Variants in ARHGAP44 observed in about 807,000 individuals in gnomAD.
ARHGAP44 encodes rho GTPase-activating protein 44.
In ARHGAP44, 43 loss-of-function variants were observed where a neutral mutation model predicts 106.8. That is an observed-to-expected ratio of 0.40 (90% CI 0.32 to 0.52). The LOEUF (loss-of-function observed/expected upper bound fraction) is 0.52. Ranked by LOEUF, ARHGAP44 falls within the 20% of genes least tolerant of loss-of-function variation. ARHGAP44 has a pLI of 0.48. For synonymous variants in ARHGAP44, 439 were observed against 410.3 expected (o/e 1.07, Z -0.85); for missense variants, 866 against 1,050.5 (o/e 0.82, Z 2.43).
intron 1 of ARHGAP44, among the ~76,000 whole-genome samples, chr17:12,874,507 G>C (rs564810168): frequency 1.3e-5 from 2 of 152,194 alleles, no homozygotes; most frequent in South Asian, 2.1e-4. Flanking sequence ...GAGGCAGGTG[G>C]ATCGCCTGAG....
chr17:12,853,408 A>G (rs1009854209), intron 1 of ARHGAP44, among the ~76,000 whole-genome samples: 2 of 152,208 alleles, frequency 1.3e-5, no homozygotes, highest in African/African-American at 4.8e-5. Context: ...CCCCTGATCT[A>G]CAGAAGGAGG....
chr17:12,902,306 G>T (rs903151066), intron 3 of ARHGAP44, among the ~76,000 whole-genome samples: 1 of 152,116 alleles, frequency 6.6e-6, no homozygotes, highest in Non-Finnish European at 1.5e-5. Context: ...CGCAGGGAAT[G>T]CTCTTACCCA....
At chr17:12,973,910 C>G (rs1244099040) in intron 17 of ARHGAP44, 179 bp from the exon 18 acceptor site, 2 of 700,036 alleles carry the variant, frequency 2.9e-6, no homozygotes, top group South Asian at 1.8e-5. Context: ...GTGTCTTGGC[C>G]GCCGGGAGCA....
At chr17:12,989,606 C>T (rs1007350898) in intron 20 of ARHGAP44, among the ~76,000 whole-genome samples, 6 of 152,158 alleles carry the variant, frequency 3.9e-5, no homozygotes, top group African/African-American at 1.2e-4. Context: ...GTTCCCCATT[C>T]TCTCACAGGC....
intron 1 of ARHGAP44, among the ~76,000 whole-genome samples, chr17:12,870,485 C>A (rs1330386930): frequency 6.6e-6 from 1 of 152,122 alleles, no homozygotes; most frequent in African/African-American, 2.4e-5. Context: ...CCTCCAGCAA[C>A]CCTGTGTATT....
chr17:12,859,873 A>C lies in ARHGAP44; in HGVS notation c.54-35067A>C, dbSNP rs546086905. 2.6e-5 allele frequency among the ~76,000 whole-genome samples: 4 copies of C among 152,330 alleles called. No individual in the cohort carries two copies. In the South Asian group the frequency reaches 8.3e-4, roughly 32 times the overall value. On this transcript the variant is annotated intron_variant, in intron 1 of 20. Transcript: ENST00000379672. The stretch of plus-strand genomic sequence containing the variant: ...CTTGATTGCAGTTAACACCGAAAGG[A>C]GTGGGCAAAGCAAAGTCAACACGTG...
intron 15 of ARHGAP44, among the ~76,000 whole-genome samples, chr17:12,957,050 A>C (rs1217295010): frequency 6.6e-6 from 1 of 150,718 alleles, no homozygotes. Flanking sequence ...TCCTAGGTTC[A>C]AGCAATTCTC....
chr17:12,987,438 T>TC (rs1567727463), intron 20 of ARHGAP44: 3 of 344,820 alleles, frequency 8.7e-6, no homozygotes, highest in African/African-American at 4.2e-5. Flanking sequence ...CTGCAGCTCC[T>TC]CCCCCTCCGC....
chr17:12,913,829 T>C (rs190989903), intron 4 of ARHGAP44, among the ~76,000 whole-genome samples: 63 of 151,864 alleles, frequency 4.1e-4, no homozygotes, highest in African/African-American at 1.4e-3. Flanking sequence ...ATTAGCTGGG[T>C]GCAGTGGTGC....
At chr17:12,955,761 C>G in intron 13 of ARHGAP44, 106 bp from the exon 14 acceptor site, 1 of 669,928 alleles carries the variant, frequency 1.5e-6, no homozygotes, top group Non-Finnish European at 2.6e-6. Flanking sequence ...GCACGAGTCT[C>G]CTAGTCAGTG....
chr17:12,802,927 T>TTATATA (rs1159214788), intron 1 of ARHGAP44, among the ~76,000 whole-genome samples: 56 of 29,232 alleles, frequency 1.9e-3, no homozygotes, highest in Non-Finnish European at 2.9e-3. Context: ...CCTGGCTAAT[T>TTATATA]TATATATATA....
Position 12,803,218 on chromosome 17 carries a change from C to T in ARHGAP44, c.53+13327C>T, listed in dbSNP as rs188976058. On this transcript the variant is annotated intron_variant, in intron 1 of 20. Transcript: ENST00000379672. ...AACTCCTGACCTCAGGTGATCCACC[C>T]GCCTCGGCCTCCCAAAGTGCTGGGA... 7.3e-3 allele frequency among the ~76,000 whole-genome samples: 1,111 copies of T among 151,192 alleles called. 20 individuals are homozygous for T. Among genetic ancestry groups the T allele is most frequent in the African/African-American group, 0.026 (1,059 of 41,190 alleles).
chr17:12,897,310 C>T (rs2037238140), intron 3 of ARHGAP44, among the ~76,000 whole-genome samples: 1 of 151,662 alleles, frequency 6.6e-6, no homozygotes, highest in South Asian at 2.1e-4. Context: ...CCCCTTGGTC[C>T]CCCGATGCCC....
At chr17:12,918,080 C>G (rs76264323) in intron 5 of ARHGAP44, among the ~76,000 whole-genome samples, 1 of 152,162 alleles carries the variant, frequency 6.6e-6, no homozygotes, top group Admixed American at 6.5e-5. Context: ...GGAGCATTCA[C>G]GAGGTCCCCT....
At position 12,936,843 on chromosome 17, in the gene ARHGAP44, C is replaced by T. The variant is rs561295359; in HGVS notation, c.583-4213C>T. On this transcript the variant is annotated intron_variant, in intron 7 of 20. Coordinates refer to ENST00000379672, the MANE Select transcript of ARHGAP44 (RefSeq NM_014859.6). ...GAGGTCCTGTTGCTCCACATCTGTG[C>T]CTGCATTTAGTGTTGTCAGTGTTTT... Among the ~76,000 whole-genome samples the T allele has an allele frequency of 1.5e-4, 23 of 152,322 alleles. 1 individual carries two copies. Among genetic ancestry groups the T allele is most frequent in the East Asian group, 9.6e-4 (5 of 5,186 alleles).
chr17:12,948,921 G>A (rs34189505), intron 10 of ARHGAP44, among the ~76,000 whole-genome samples: 12,100 of 152,292 alleles, frequency 0.079, 579 homozygotes, highest in East Asian at 0.18. Flanking sequence ...GCCTGAGGCT[G>A]TGGGGACACA....
intron 16 of ARHGAP44, among the ~76,000 whole-genome samples, chr17:12,963,006 A>T (rs1381386011): frequency 7.2e-6 from 1 of 138,204 alleles, no homozygotes; most frequent in Non-Finnish European, 1.5e-5. Context: ...AGATAGTGCC[A>T]TTGCACTCCA....
chr17:12,987,044 G>A (rs906055570), intron 20 of ARHGAP44: 25 of 1,118,280 alleles, frequency 2.2e-5, no homozygotes, highest in East Asian at 5.8e-5. Flanking sequence ...TTTTTGTGAC[G>A]TTCATGTTTT....
intron 16 of ARHGAP44, among the ~76,000 whole-genome samples, chr17:12,969,545 C>T (rs1238995616): frequency 6.6e-6 from 1 of 152,164 alleles, no homozygotes; most frequent in Non-Finnish European, 1.5e-5. Flanking sequence ...GATTCATACC[C>T]AAATTCTCTG....
Sources: gnomAD v4.1 joint callset for allele counts (sites outside exome capture counted in the v4.1 genomes callset) on GRCh38, gnomAD v4.1.1 for gene constraint, MANE v1.5 for transcripts, NCBI Gene and HGNC (gene_info 2026-07-23, HGNC 2026-07-21) for gene names.